The following SNX27 variants were observed in gnomAD, a reference collection of about 807,000 sequenced individuals.
SNX27 encodes the protein sorting nexin 27, also known as sorting nexin-27.
SNX27 carries 22 observed loss-of-function variants against 71.6 expected under a neutral mutation model. The observed-to-expected ratio is 0.31, with a 90% confidence interval of 0.22 to 0.44. SNX27 has a LOEUF of 0.44. SNX27 is among the 20% of genes least tolerant of loss of function. SNX27 has a pLI of 1.00. For missense variants in SNX27, 531 were observed against 698.6 expected, an observed-to-expected ratio of 0.76 and a Z score of 2.70; for synonymous variants, 269 against 277.2, an observed-to-expected ratio of 0.97 and a Z score of 0.29.
chr1:151,626,058 G>A (rs181101308), intron 1 of SNX27, among the ~76,000 whole-genome samples: 1 of 152,206 alleles, frequency 6.6e-6, no homozygotes, highest in East Asian at 1.9e-4. Context: ...GAACCCAGGA[G>A]GTGTCGCTTG....
In SNX27 at chr1:151,695,502, C is replaced by T. The variant is rs915568206; in HGVS notation, c.*1085C>T. 7.2e-6 allele frequency: 1 copy of T among 138,918 alleles called. No homozygotes were observed. Among genetic ancestry groups the T allele is most frequent in the African/African-American group, 2.7e-5 (1 of 37,404 alleles). The allele number at this position is 138,918 out of a possible 1,614,324, so 8.6% of individuals were successfully genotyped here. Reference sequence around the variant, plus strand: ...GTGGCATGAACATAGCTCACTGTTACCTTGAATTCTGGGCTCAGGTGATCC... The same window carrying T: ...GTGGCATGAACATAGCTCACTGTTATCTTGAATTCTGGGCTCAGGTGATCC... On this transcript the variant is annotated 3_prime_UTR_variant, in exon 12 of 12. Transcript: ENST00000458013.
chr1:151,658,113 A>C, intron 2 of SNX27, 122 bp from the exon 3 acceptor site: 2 of 837,494 alleles, frequency 2.4e-6, no homozygotes, highest in East Asian at 5.3e-5. Flanking sequence ...GTGAGCTTGA[A>C]TATAGTCTTT....
intron 3 of SNX27, among the ~76,000 whole-genome samples, chr1:151,659,230 T>C (rs1003288931): frequency 1.3e-5 from 2 of 151,962 alleles, no homozygotes; most frequent in African/African-American, 2.4e-5. Context: ...TACTTCTGTA[T>C]TGAATTTTTT....
At chr1:151,623,831 A>T (rs1175765169) in intron 1 of SNX27, among the ~76,000 whole-genome samples, 3 of 152,210 alleles carry the variant, frequency 2.0e-5, no homozygotes, top group Non-Finnish European at 2.9e-5. Context: ...ATGAAAAAAA[A>T]ATCCTATCCA....
intron 7 of SNX27, among the ~76,000 whole-genome samples, chr1:151,680,810 A>G (rs965543905): frequency 6.6e-5 from 10 of 152,258 alleles, no homozygotes; most frequent in Admixed American, 1.3e-4. Flanking sequence ...TGGCTTTTCA[A>G]TAATTGGTTT....
At chr1:151,678,871 A>G (rs1428907371) in intron 7 of SNX27, 1 of 152,072 alleles carries the variant, frequency 6.6e-6, no homozygotes, top group African/African-American at 2.4e-5. Flanking sequence ...CTACAGTTGC[A>G]TATCACCAAG....
chr1:151,693,771 T>C, intron 11 of SNX27: 1 of 1,491,082 alleles, frequency 6.7e-7, no homozygotes, highest in South Asian at 1.4e-5. Flanking sequence ...TCTGCCAGTT[T>C]TTTAAATCAG....
chr1:151,630,143 G>GATTATTTC (rs1464539967), intron 1 of SNX27, among the ~76,000 whole-genome samples: 1 of 151,726 alleles, frequency 6.6e-6, no homozygotes, highest in African/African-American at 2.4e-5. Context: ...TTGTGTTTGG[G>GATTATTTC]ATTATTTCAT....
intron 1 of SNX27, among the ~76,000 whole-genome samples, chr1:151,621,245 G>A (rs1382370244): frequency 6.6e-6 from 1 of 152,156 alleles, no homozygotes; most frequent in Non-Finnish European, 1.5e-5. Context: ...TCAAATGCTA[G>A]GTAGTATGTG....
At chr1:151,691,878 CAAAA>C (rs1007631986) in intron 8 of SNX27, among the ~76,000 whole-genome samples, 5 of 150,540 alleles carry the variant, frequency 3.3e-5, no homozygotes, top group African/African-American at 9.7e-5. Context: ...TTACTTATGG[CAAAA>C]AAAAGTAGAA....
intron 2 of SNX27, among the ~76,000 whole-genome samples, chr1:151,639,759 C>G (rs1007793915): frequency 2.0e-5 from 3 of 152,120 alleles, no homozygotes; most frequent in Non-Finnish European, 4.4e-5. Flanking sequence ...GTGTGCTAGC[C>G]CCTTTGCTGA....
At chr1:151,683,286 G>T in intron 7 of SNX27, 70 bp from the exon 8 acceptor site, 1 of 1,282,956 alleles carries the variant, frequency 7.8e-7, no homozygotes, top group African/African-American at 1.5e-5. Flanking sequence ...GTCTGTGTCT[G>T]TTTTCATCGA....
At chr1:151,687,724 C>T (rs1275949020) in intron 8 of SNX27, among the ~76,000 whole-genome samples, 2 of 151,760 alleles carry the variant, frequency 1.3e-5, no homozygotes, top group South Asian at 2.1e-4. Flanking sequence ...CGAGGCGGGC[C>T]GATCATGAGG....
At chr1:151,617,467 C>T (rs376184808) in intron 1 of SNX27, among the ~76,000 whole-genome samples, 4 of 152,060 alleles carry the variant, frequency 2.6e-5, no homozygotes, top group South Asian at 4.1e-4. Context: ...TTAGTAGAGA[C>T]GGGGTTTCTC....
chr1:151,669,016 C>G (rs897228932), intron 7 of SNX27: 1 of 156,324 alleles, frequency 6.4e-6, no homozygotes, highest in Non-Finnish European at 1.4e-5. Context: ...CCATCTCCCC[C>G]CATAGGCAAC....
intron 1 of SNX27, among the ~76,000 whole-genome samples, chr1:151,636,923 G>C (rs1668484759): frequency 6.6e-6 from 1 of 151,910 alleles, no homozygotes; most frequent in African/African-American, 2.4e-5. Flanking sequence ...TGATATAAAT[G>C]TTTAGGAATT....
At position 151,696,530 on chromosome 1, in the gene SNX27, T is replaced by TTCTTTCGTTCTTTCG. The variant is rs1491285977; in HGVS notation, c.*2114_*2115insCTTTCGTTCTTTCGT. ...CGTTCTTTCGTTCTTTCGTTCTTTC[T>TTCTTTCGTTCTTTCG]TTCTTTCTTTCTTTCTCTTTCTTTC... is the stretch of plus-strand genomic sequence containing the variant. On this transcript the variant is annotated 3_prime_UTR_variant, in exon 12 of 12. Transcript: ENST00000458013. The TTCTTTCGTTCTTTCG allele has an allele frequency of 3.9e-4, 38 of 98,500 alleles. No homozygotes were observed. The highest frequency in any genetic ancestry group is 5.8e-4 in the South Asian group (2 of 3,432). 6.1% of individuals were successfully genotyped at this position (98,500 alleles called of 1,614,324 possible).
chr1:151,655,552 C>G (rs894593641), intron 2 of SNX27, among the ~76,000 whole-genome samples: 3 of 152,192 alleles, frequency 2.0e-5, no homozygotes, highest in Admixed American at 6.5e-5. Flanking sequence ...TTGCCAAACT[C>G]TGTTTGGGTA....
At position 151,693,406 on chromosome 1, in the gene SNX27, C is replaced by T. The variant is rs1487454272; in HGVS notation, c.1519-18C>T. 1.3e-5 allele frequency: 21 copies of T among 1,613,666 alleles called. No individual in the cohort carries two copies. Among genetic ancestry groups the T allele is most frequent in the Non-Finnish European group, 1.8e-5 (21 of 1,179,584 alleles). On this transcript the variant is annotated intron_variant, in intron 10 of 11. Transcript: ENST00000458013. ...CTGCTCTTGAGAAGTTAGTGAGTGT[C>T]ACCACCTTTTTTTTCAGTTCAATTA...
Sources: allele counts gnomAD v4.1 joint callset (sites outside exome capture counted in the v4.1 genomes callset), GRCh38; gene constraint gnomAD v4.1.1; transcripts MANE v1.5; gene names NCBI Gene and HGNC (gene_info 2026-07-23, HGNC 2026-07-21).